Variants in OPCML observed in about 807,000 individuals in gnomAD.
OPCML encodes the protein opioid binding protein/cell adhesion molecule like.
In OPCML, 13 loss-of-function variants were observed where a neutral mutation model predicts 37.8. The observed-to-expected ratio is 0.34, with a 90% CI of 0.22 to 0.55. The LOEUF is 0.55. Ranked by LOEUF, OPCML falls within the 20% of genes least tolerant of loss-of-function variation. OPCML has a pLI of 0.91. For synonymous variants in OPCML, 176 were observed against 168.8 expected, an observed-to-expected ratio of 1.04 and a Z score of -0.33; for missense variants, 341 against 435.6, an observed-to-expected ratio of 0.78 and a Z score of 1.93.
At chr11:132,590,144 A>C (rs2096482013) in intron 3 of OPCML, among the ~76,000 whole-genome samples, 1 of 152,186 alleles carries the variant, frequency 6.6e-6, no homozygotes, top group Non-Finnish European at 1.5e-5. Flanking sequence ...AGGGCTTTAT[A>C]ACATTTATTT....
intron 1 of OPCML, among the ~76,000 whole-genome samples, chr11:133,308,098 G>C (rs1332945079): frequency 6.6e-6 from 1 of 152,034 alleles, no homozygotes; most frequent in Non-Finnish European, 1.5e-5. Flanking sequence ...AGGGAGATAT[G>C]GAGAATATTA....
chr11:132,460,828 T>C (rs1405686485), intron 4 of OPCML, among the ~76,000 whole-genome samples: 1 of 152,236 alleles, frequency 6.6e-6, no homozygotes, highest in African/African-American at 2.4e-5. Flanking sequence ...GAAAGTGTTC[T>C]CTTAGGAAGC....
chr11:133,306,199 C>T (rs1344254393), intron 1 of OPCML, among the ~76,000 whole-genome samples: 1 of 152,146 alleles, frequency 6.6e-6, no homozygotes, highest in Non-Finnish European at 1.5e-5. Context: ...TGCAGCCCAG[C>T]TCCGTGTTTC....
chr11:133,050,299 A>G (rs1948106349), intron 1 of OPCML, among the ~76,000 whole-genome samples: 1 of 152,156 alleles, frequency 6.6e-6, no homozygotes. Context: ...TTATTCATAT[A>G]CACATACACC....
intron 1 of OPCML, among the ~76,000 whole-genome samples, chr11:133,340,057 A>C (rs1943829234): frequency 6.6e-6 from 1 of 152,156 alleles, no homozygotes; most frequent in South Asian, 2.1e-4. Flanking sequence ...CTAGAAAAAA[A>C]ATGTTTCCTT....
intron 2 of OPCML, among the ~76,000 whole-genome samples, chr11:132,925,132 T>C (rs1944943490): frequency 6.6e-6 from 1 of 152,210 alleles, no homozygotes; most frequent in Non-Finnish European, 1.5e-5. Context: ...TTTCTTAGAA[T>C]TTCCATCTCT....
intron 4 of OPCML, among the ~76,000 whole-genome samples, chr11:132,482,118 A>G (rs1020347562): frequency 3.2e-4 from 48 of 149,688 alleles, no homozygotes; most frequent in Non-Finnish European, 5.1e-4. Flanking sequence ...TCAAAAAATT[A>G]ATGAATCCAG....
intron 1 of OPCML, among the ~76,000 whole-genome samples, chr11:133,218,979 C>T (rs951750026): frequency 1.3e-5 from 2 of 152,166 alleles, no homozygotes; most frequent in African/African-American, 4.8e-5. Flanking sequence ...TTTGTGCTTG[C>T]TTTTATTTTG....
chr11:133,249,608 G>A (rs10791288), intron 1 of OPCML, among the ~76,000 whole-genome samples: 100,409 of 152,022 alleles, frequency 0.66, 34,952 homozygotes, highest in East Asian at 0.91. Flanking sequence ...AGACAAAGGC[G>A]GAGGAGAGAA....
At chr11:132,597,302 T>A (rs564845967) in intron 3 of OPCML, among the ~76,000 whole-genome samples, 1 of 152,210 alleles carries the variant, frequency 6.6e-6, no homozygotes, top group Non-Finnish European at 1.5e-5. Context: ...ATTTTCTCAT[T>A]GTTGAATATG....
chr11:132,489,099 T>C (rs1160560705), intron 4 of OPCML, among the ~76,000 whole-genome samples: 2 of 152,354 alleles, frequency 1.3e-5, no homozygotes, highest in East Asian at 3.9e-4. Context: ...ATTATATCCT[T>C]ATTCCTTAAG....
chr11:132,523,273 A>ATAACC (rs149722037), intron 4 of OPCML, among the ~76,000 whole-genome samples: 3,443 of 152,328 alleles, frequency 0.023, 111 homozygotes, highest in African/African-American at 0.07. Flanking sequence ...TAACCAGGTG[A>ATAACC]TAACCATAGG....
chr11:132,514,818 A>G (rs2096276286), intron 4 of OPCML, among the ~76,000 whole-genome samples: 1 of 152,142 alleles, frequency 6.6e-6, no homozygotes, highest in Non-Finnish European at 1.5e-5. Flanking sequence ...GGTTCCAAAC[A>G]TCTTGCTGTC....
At chr11:132,834,840 C>A (rs1459932186) in intron 2 of OPCML, among the ~76,000 whole-genome samples, 1 of 152,130 alleles carries the variant, frequency 6.6e-6, no homozygotes, top group African/African-American at 2.4e-5. Flanking sequence ...ACCCATAACA[C>A]CTTGGTAGCT....
At chr11:132,758,023 C>A (rs1946118878) in intron 2 of OPCML, among the ~76,000 whole-genome samples, 1 of 152,122 alleles carries the variant, frequency 6.6e-6, no homozygotes, top group East Asian at 1.9e-4. Flanking sequence ...ATATGGCTAG[C>A]CAGTTTTCCC....
At chr11:132,872,232 AATATAACCTGC>A (rs1486437057) in intron 2 of OPCML, among the ~76,000 whole-genome samples, 1 of 152,214 alleles carries the variant, frequency 6.6e-6, no homozygotes, top group African/African-American at 2.4e-5. Flanking sequence ...TATTCAGAAG[AATATAACCTGC>A]ATATAACTCT....
chr11:132,447,511 T>G (rs2096058581), intron 4 of OPCML, among the ~76,000 whole-genome samples: 1 of 151,896 alleles, frequency 6.6e-6, no homozygotes, highest in Admixed American at 6.6e-5. Context: ...GGTTTCACCA[T>G]GTTGCCCAGG....
Position 133,529,110 on chromosome 11 carries a change from GACTCAAAT to G in OPCML, c.61+3146_61+3153del, listed in dbSNP as rs539446329. 7.5e-3 allele frequency among the ~76,000 whole-genome samples: 1,145 copies of G among 152,280 alleles called. 18 individuals are homozygous for G. The highest frequency in any genetic ancestry group is 0.025 in the African/African-American group (1,038 of 41,556). ...AAAAGACAAGAAGAAGACAGGTTTT[GACTCAAAT>G]ACTCAAATACTCAAATACTGTAGGC... On this transcript the variant is annotated intron_variant, in intron 1 of 7. Coordinates refer to ENST00000524381, the MANE Select transcript of OPCML (RefSeq NM_001012393.5).
chr11:133,192,360 A>C (rs1004128831), intron 1 of OPCML, among the ~76,000 whole-genome samples: 5 of 152,120 alleles, frequency 3.3e-5, no homozygotes, highest in Non-Finnish European at 7.4e-5. Flanking sequence ...TAATATATAC[A>C]TGAGATGGTT....
Sources: allele counts gnomAD v4.1 joint callset (sites outside exome capture counted in the v4.1 genomes callset), GRCh38; gene constraint gnomAD v4.1.1; transcripts MANE v1.5; gene names NCBI Gene and HGNC (gene_info 2026-07-23, HGNC 2026-07-21).